The following TF variants were observed in gnomAD, a reference collection of about 807,000 sequenced individuals.
TF encodes serotransferrin.
A neutral mutation model predicts 82.4 loss-of-function variants in TF; 55 were observed. The ratio of observed to expected loss-of-function variants is 0.67; its 90% CI spans 0.54 to 0.84. TF has a LOEUF of 0.84. Among genes scored for constraint, TF ranks in the 40% least tolerant of loss-of-function variants. TF has a pLI of 0.00. For synonymous variants in TF, 332 were observed against 332.6 expected (o/e 1.00, Z 0.02); for missense variants, 737 against 868.4 (o/e 0.85, Z 1.90).
chr3:133,731,772 C>G, the TF span, among the ~76,000 whole-genome samples: 1 of 152,338 alleles, frequency 6.6e-6, no homozygotes, highest in East Asian at 1.9e-4. Context: ...AACAGAGCCT[C>G]AGAGTAGTTA....
intron 14 of TF, chr3:133,775,063 G>A (rs1404688957): frequency 2.9e-6 from 1 of 346,120 alleles, no homozygotes; most frequent in African/African-American, 2.1e-5. Context: ...TTACAGCACA[G>A]AAATTGATCA....
rs1934519069 is a variant in TF at position 133,781,696 on chromosome 3, A to G, written c.*3076A>G. ...TAAGAAAAATTCTGATGAGAGTGGA[A>G]GAGCTCTTCCAGCTGTTAAAATGTA... On this transcript the variant is annotated 3_prime_UTR_variant, in exon 17 of 17. Transcript: ENST00000402696. 6.6e-6 allele frequency: 1 copy of G among 152,182 alleles called. No homozygotes were observed. The highest frequency in any genetic ancestry group is 1.5e-5 in the Non-Finnish European group (1 of 68,048). 9.4% of individuals were successfully genotyped at this position (152,182 alleles called of 1,614,324 possible).
rs546031394 is a variant in TF, at chr3:133,782,369, A to G, written c.*3749A>G. ...CGTTCATTGCAGCATTGCAGCCAAT[A>G]TAGGGAAGCAACCTAAATGCCTGTT... On this transcript the variant is annotated 3_prime_UTR_variant, in exon 17 of 17. Coordinates refer to ENST00000402696, the MANE Select transcript of TF (RefSeq NM_001063.4). 1.4e-4 allele frequency: 21 copies of G among 152,346 alleles called. No homozygotes were observed. Among genetic ancestry groups the G allele is most frequent in the Non-Finnish European group, 1.5e-5 (1 of 68,044 alleles). 9.4% of individuals were successfully genotyped at this position (152,346 alleles called of 1,614,324 possible).
chr3:133,671,186 T>G, the TF span, among the ~76,000 whole-genome samples: 1 of 152,202 alleles, frequency 6.6e-6, no homozygotes, highest in Non-Finnish European at 1.5e-5. Flanking sequence ...CTGAAGTGGA[T>G]CTCACTGGGC....
rs1340517585 is a variant in TF at position 133,778,859 on chromosome 3, T to C, written c.*239T>C. On this transcript the variant is annotated 3_prime_UTR_variant, in exon 17 of 17. Transcript: ENST00000402696. ...TTTATGCATTCTGCCTAAATACCTA[T>C]GCAACTGAGCCCTTCCTTCTCAGCT... The C allele has an allele frequency of 7.1e-6, 3 of 423,110 alleles. No individual in the cohort carries two copies. The highest frequency in any genetic ancestry group is 4.1e-5 in the African/African-American group (2 of 48,984). 26.2% of individuals were successfully genotyped at this position (423,110 alleles called of 1,614,324 possible).
chr3:133,737,101 G>T, the TF span, among the ~76,000 whole-genome samples: 1 of 151,990 alleles, frequency 6.6e-6, no homozygotes, highest in Admixed American at 6.6e-5. Flanking sequence ...CAAAAGAAGA[G>T]AAATCATAAC....
At chr3:133,690,513 T>G in the TF span, among the ~76,000 whole-genome samples, 1 of 152,210 alleles carries the variant, frequency 6.6e-6, no homozygotes, top group Non-Finnish European at 1.5e-5. Context: ...ATCATACATT[T>G]CTATATCATT....
At chr3:133,775,649 T>C (rs1443435484) in intron 15 of TF, 32 bp downstream of exon 15, 1 of 1,610,748 alleles carries the variant, frequency 6.2e-7, no homozygotes, top group Non-Finnish European at 8.5e-7. Flanking sequence ...CCACCTTTTC[T>C]TCCTAGATGG....
rs1933556940 is a variant in TF at position 133,748,163 on chromosome 3, G to A, written c.44-249G>A. ...GCAGATTGTCATCTCCAGCTGGGAGGTGATGGCCATGCCTGCACCCCTCTG... is the reference window on the plus strand; with the variant it reads ...GCAGATTGTCATCTCCAGCTGGGAGATGATGGCCATGCCTGCACCCCTCTG... On this transcript the variant is annotated intron_variant, in intron 1 of 16. Transcript: ENST00000402696. 9 of 553,258 alleles carry A rather than the reference G, an allele frequency of 1.6e-5. 1 individual carries two copies. The South Asian group carries it at 1.8e-4, about 11-fold the overall frequency. The allele number at this position is 553,258 out of a possible 1,614,324, so 34.3% of individuals were successfully genotyped here.
rs1934929606 is a variant in TF at position 133,794,947 on chromosome 3, C to T, written c.*16327C>T. 1 of 152,182 alleles carries T rather than the reference C, an allele frequency of 6.6e-6. No individual in the cohort carries two copies. The highest frequency in any genetic ancestry group is 2.4e-5 in the African/African-American group (1 of 41,428). 9.4% of individuals were successfully genotyped at this position (152,182 alleles called of 1,614,324 possible). A position where few individuals can be genotyped will look rare whatever the true frequency, so the allele number is the denominator to read the frequency against. On this transcript the variant is annotated 3_prime_UTR_variant, in exon 17 of 17. Transcript: ENST00000402696. ...AAGAATTTTGCAGCCAGCTTTAGGT[C>T]CTTTTTCCATGATTTGGAATAAAAG...
At chr3:133,679,605 T>C in the TF span, among the ~76,000 whole-genome samples, 1 of 127,176 alleles carries the variant, frequency 7.9e-6, no homozygotes, top group Non-Finnish European at 1.6e-5. Context: ...CTCAGCATAA[T>C]TGTATTGAGA....
At chr3:133,766,632 G>A (rs1279857064) in intron 12 of TF, among the ~76,000 whole-genome samples, 199 bp downstream of exon 12, 1 of 152,194 alleles carries the variant, frequency 6.6e-6, no homozygotes, top group African/African-American at 2.4e-5. Flanking sequence ...TTGCTGAGTT[G>A]GGACGGTTCA....
the TF span, among the ~76,000 whole-genome samples, chr3:133,663,643 T>C: frequency 6.6e-6 from 1 of 152,184 alleles, no homozygotes; most frequent in Admixed American, 6.5e-5. Flanking sequence ...TGGGTATCAT[T>C]GTCTCATGTT....
At chr3:133,729,115 T>C in the TF span, among the ~76,000 whole-genome samples, 2 of 151,778 alleles carry the variant, frequency 1.3e-5, no homozygotes, top group African/African-American at 2.4e-5. Flanking sequence ...GTCAGAGGGG[T>C]CACTTGAGGA....
chr3:133,703,045 T>C, the TF span, among the ~76,000 whole-genome samples: 1 of 152,326 alleles, frequency 6.6e-6, no homozygotes, highest in East Asian at 1.9e-4. Context: ...AATGGCTATG[T>C]AATATTCCAC....
rs893945540 is a variant in TF, at chr3:133,782,987, A to C, written c.*4367A>C. The C allele has an allele frequency of 2.6e-5, 4 of 152,298 alleles. No homozygotes were observed. The highest frequency in any genetic ancestry group is 7.2e-5 in the African/African-American group (3 of 41,546). 9.4% of individuals were successfully genotyped at this position (152,298 alleles called of 1,614,324 possible). ...AGCAGTGATTTGATCGTGCCACTGCACTCCAGCCTGGGGACAGGAGACCCC... is the reference window on the plus strand; with the variant it reads ...AGCAGTGATTTGATCGTGCCACTGCCCTCCAGCCTGGGGACAGGAGACCCC... On this transcript the variant is annotated 3_prime_UTR_variant, in exon 17 of 17. Transcript: ENST00000402696.
Position 133,764,169 on chromosome 3 carries a change from T to C in TF, c.1204-13T>C, listed in dbSNP as rs1456255099. 1.2e-6 allele frequency: 2 copies of C among 1,612,274 alleles called. No homozygotes were observed. On this transcript the variant is annotated splice_polypyrimidine_tract_variant and intron_variant, in intron 9 of 16. Coordinates refer to ENST00000402696, the MANE Select transcript of TF (RefSeq NM_001063.4). ...CCTCTTTTCATCTGCTGTGATTTGC[T>C]GTGTCTTTGCAGAATGGAGAAGCTG...
At chr3:133,695,843 A>T in the TF span, among the ~76,000 whole-genome samples, 7,147 of 152,242 alleles carry the variant, frequency 0.047, 591 homozygotes, top group African/African-American at 0.16. Context: ...TGTGGATCTG[A>T]TCACTGAGAA....
chr3:133,778,590 C>T lies in TF; in HGVS notation c.2067C>T (p.Leu689=). Residue 689 remains leucine (L), a synonymous_variant, in exon 17 of 17, where the codon CTC becomes CTT. Transcript: ENST00000402696. ...GNLRKCSTSS[L]LEACTFRRP ...CCTCTCTGCTCTGCTCCACAGCACT[C>T]CTGGAAGCCTGCACTTTCCGTAGAC... is the stretch of plus-strand genomic sequence containing the variant. 6.2e-7 allele frequency: 1 copy of T among 1,613,252 alleles called. No individual in the cohort carries two copies. The highest frequency in any genetic ancestry group is 8.5e-7 in the Non-Finnish European group (1 of 1,179,476).
Sources: allele counts gnomAD v4.1 joint callset (sites outside exome capture counted in the v4.1 genomes callset), GRCh38; gene constraint gnomAD v4.1.1; transcripts MANE v1.5; gene names NCBI Gene and HGNC (gene_info 2026-07-23, HGNC 2026-07-21).